PLPPR1: variants seen among roughly 807,000 people sequenced by gnomAD.
PLPPR1 encodes phospholipid phosphatase-related protein type 1.
PLPPR1 carries 10 observed loss-of-function variants against 33.1 expected under a neutral mutation model. That is an observed-to-expected ratio of 0.30 (90% CI 0.19 to 0.51). The LOEUF is 0.51. Ranked by LOEUF, PLPPR1 falls within the 20% of genes least tolerant of loss-of-function variation. PLPPR1 has a pLI of 0.97. For missense variants in PLPPR1, 304 were observed against 408.1 expected (o/e 0.74, Z 2.20); for synonymous variants, 151 against 151.0 (o/e 1.00, Z 0.00).
chr9:101,306,965 C>T (rs1354501336), intron 4 of PLPPR1, among the ~76,000 whole-genome samples: 1 of 152,214 alleles, frequency 6.6e-6, no homozygotes, highest in East Asian at 1.9e-4. Flanking sequence ...TATGATCTGA[C>T]ATGGTCTGTG....
intron 2 of PLPPR1, among the ~76,000 whole-genome samples, chr9:101,206,029 C>T (rs1826583288): frequency 6.6e-6 from 1 of 152,024 alleles, no homozygotes. Context: ...GGAGAGTGTG[C>T]CCACAAATTA....
At position 101,070,217 on chromosome 9, in the gene PLPPR1, C is replaced by A. The variant is rs140032810; in HGVS notation, c.-46+41115C>A. On this transcript the variant is annotated intron_variant, in intron 1 of 7. Coordinates refer to ENST00000374874, the MANE Select transcript of PLPPR1 (RefSeq NM_207299.2). ...CTATCAATTTAAGTTATTTGGAATT[C>A]TTCTGTACAGGAGATTCATTTCTTC... Among the ~76,000 whole-genome samples, 71 of 152,186 alleles carry A rather than the reference C, an allele frequency of 4.7e-4. 1 individual carries two copies. The East Asian group carries it at 0.012, about 26-fold the overall frequency.
chr9:101,309,658 A>G (rs1828922167), intron 5 of PLPPR1, among the ~76,000 whole-genome samples, 197 bp downstream of exon 5: 1 of 152,112 alleles, frequency 6.6e-6, no homozygotes, highest in Admixed American at 6.6e-5. Flanking sequence ...CTGATCTGCC[A>G]GAGGATATTA....
At chr9:101,138,267 A>G (rs1438493573) in intron 1 of PLPPR1, among the ~76,000 whole-genome samples, 2 of 152,212 alleles carry the variant, frequency 1.3e-5, no homozygotes, top group East Asian at 1.9e-4. Flanking sequence ...TATTATCTAC[A>G]TCATAACTCA....
intron 2 of PLPPR1, among the ~76,000 whole-genome samples, chr9:101,219,534 A>T (rs892365467): frequency 6.6e-6 from 1 of 152,166 alleles, no homozygotes; most frequent in Non-Finnish European, 1.5e-5. Context: ...ACAGAGATGT[A>T]TGTGTATAAT....
At chr9:101,266,656 G>A (rs990979284) in intron 2 of PLPPR1, among the ~76,000 whole-genome samples, 5 of 152,082 alleles carry the variant, frequency 3.3e-5, no homozygotes, top group East Asian at 1.9e-4. Flanking sequence ...TGCTGCTTCC[G>A]GGATTAAATC....
intron 3 of PLPPR1, among the ~76,000 whole-genome samples, chr9:101,274,482 A>G (rs910801428): frequency 6.6e-6 from 1 of 152,226 alleles, no homozygotes; most frequent in Admixed American, 6.5e-5. Flanking sequence ...TGCAGCTGAT[A>G]GGTCAATGGC....
intron 1 of PLPPR1, among the ~76,000 whole-genome samples, chr9:101,142,420 C>T (rs1342042918): frequency 1.3e-5 from 2 of 152,118 alleles, no homozygotes; most frequent in African/African-American, 4.8e-5. Context: ...GTGGCCTGAC[C>T]CCACATGCTT....
intron 1 of PLPPR1, among the ~76,000 whole-genome samples, chr9:101,177,784 A>ATTTATATAATTTCTATTAGGTTGTATAT: frequency 6.6e-6 from 1 of 152,246 alleles, no homozygotes; most frequent in East Asian, 1.9e-4. Flanking sequence ...AGGTTGTATA[A>ATTTATATAATTTCTATTAGGTTGTATAT]TTTATATAAT....
At chr9:101,175,385 G>A (rs1826003104) in intron 1 of PLPPR1, among the ~76,000 whole-genome samples, 1 of 152,008 alleles carries the variant, frequency 6.6e-6, no homozygotes, top group African/African-American at 2.4e-5. Flanking sequence ...CTACCTAAAA[G>A]TTAACTTTTC....
At chr9:101,092,891 A>G (rs1830764951) in intron 1 of PLPPR1, among the ~76,000 whole-genome samples, 1 of 152,158 alleles carries the variant, frequency 6.6e-6, no homozygotes, top group Non-Finnish European at 1.5e-5. Context: ...AAGAAGAGGA[A>G]AAGACTGGAG....
chr9:101,255,887 C>T (rs970553878), intron 2 of PLPPR1, among the ~76,000 whole-genome samples: 8 of 152,168 alleles, frequency 5.3e-5, no homozygotes, highest in Admixed American at 1.3e-4. Context: ...CTGAACTTCA[C>T]GAGCTAGGAG....
intron 1 of PLPPR1, among the ~76,000 whole-genome samples, chr9:101,081,872 C>G (rs1830623524): frequency 6.6e-6 from 1 of 152,188 alleles, no homozygotes; most frequent in African/African-American, 2.4e-5. Flanking sequence ...GGAGCATAAG[C>G]TTGGATCTTA....
chr9:101,272,568 G>A (rs1453917617), intron 3 of PLPPR1, among the ~76,000 whole-genome samples: 1 of 152,098 alleles, frequency 6.6e-6, no homozygotes, highest in Non-Finnish European at 1.5e-5. Context: ...TTGCCACATA[G>A]GAGACTCAAA....
At chr9:101,083,219 C>T (rs1048306687) in intron 1 of PLPPR1, among the ~76,000 whole-genome samples, 4 of 151,646 alleles carry the variant, frequency 2.6e-5, no homozygotes, top group Non-Finnish European at 2.9e-5. Context: ...AGTGCAGTGG[C>T]GCAATCTTGG....
At chr9:101,102,099 T>C (rs1387447296) in intron 1 of PLPPR1, among the ~76,000 whole-genome samples, 1 of 145,654 alleles carries the variant, frequency 6.9e-6, no homozygotes, top group Non-Finnish European at 1.5e-5. Flanking sequence ...ACAACTTTTT[T>C]TTTTTTTTTT....
intron 2 of PLPPR1, among the ~76,000 whole-genome samples, chr9:101,203,243 G>T (rs1001936612): frequency 6.6e-6 from 1 of 152,116 alleles, no homozygotes; most frequent in Admixed American, 6.5e-5. Context: ...GAGCAAGATG[G>T]AGCAATAAAA....
At chr9:101,119,916 A>G (rs1831159000) in intron 1 of PLPPR1, among the ~76,000 whole-genome samples, 1 of 152,198 alleles carries the variant, frequency 6.6e-6, no homozygotes, top group African/African-American at 2.4e-5. Flanking sequence ...GGCTAGTGCC[A>G]TACATAGGTG....
intron 1 of PLPPR1, 58 bp from the exon 2 acceptor site, chr9:101,185,392 T>C: frequency 1.6e-6 from 1 of 609,514 alleles, no homozygotes; most frequent in Non-Finnish European, 2.9e-6. Flanking sequence ...TTTATGTAAG[T>C]ACCTAAGGGA....
Sources: allele counts gnomAD v4.1 joint callset (sites outside exome capture counted in the v4.1 genomes callset), GRCh38; gene constraint gnomAD v4.1.1; transcripts MANE v1.5; gene names NCBI Gene and HGNC (gene_info 2026-07-23, HGNC 2026-07-21).